Variants in MTHFD2L observed in about 807,000 individuals in gnomAD.
MTHFD2L encodes bifunctional methylenetetrahydrofolate dehydrogenase/cyclohydrolase 2, mitochondrial.
MTHFD2L carries 29 observed loss-of-function variants against 34.9 expected under a neutral mutation model. The ratio of observed to expected loss-of-function variants is 0.83; its 90% CI spans 0.62 to 1.13. The LOEUF (loss-of-function observed/expected upper bound fraction) is 1.13. Ranked by LOEUF, MTHFD2L falls within the 50% of genes most tolerant of loss-of-function variation. The pLI, the probability that MTHFD2L is intolerant of heterozygous loss-of-function variation, is 0.00. For synonymous variants in MTHFD2L, 167 were observed against 155.7 expected (o/e 1.07, Z -0.54); for missense variants, 481 against 446.5 (o/e 1.08, Z -0.70).
At chr4:74,197,987 A>T (rs1310693489) in intron 3 of MTHFD2L, among the ~76,000 whole-genome samples, 1 of 152,136 alleles carries the variant, frequency 6.6e-6, no homozygotes, top group East Asian at 1.9e-4. Flanking sequence ...CACTTTTTTC[A>T]TCTACTCATA....
intron 1 of MTHFD2L, among the ~76,000 whole-genome samples, chr4:74,144,184 G>A (rs579228): frequency 0.98 from 149,820 of 152,270 alleles, 73,758 homozygotes; most frequent in East Asian, 1. Context: ...TGGGTGCAGT[G>A]GCTCACACCT....
At chr4:74,226,284 C>T (rs906084569) in intron 6 of MTHFD2L, among the ~76,000 whole-genome samples, 1 of 152,014 alleles carries the variant, frequency 6.6e-6, no homozygotes, top group Non-Finnish European at 1.5e-5. Context: ...TTATTTTGAG[C>T]ATATGTTCTT....
chr4:74,129,859 A>G (rs559378511), intron 1 of MTHFD2L, among the ~76,000 whole-genome samples: 3 of 152,304 alleles, frequency 2.0e-5, no homozygotes, highest in Admixed American at 6.5e-5. Context: ...AAAGAAGAAA[A>G]GAAAGAAGAA....
chr4:74,290,650 G>A (rs1377837052), intron 7 of MTHFD2L, among the ~76,000 whole-genome samples: 1 of 152,080 alleles, frequency 6.6e-6, no homozygotes, highest in Non-Finnish European at 1.5e-5. Context: ...CTGTGTGTGT[G>A]TGTGTGTGTG....
chr4:74,234,776 A>G (rs1740596028), intron 6 of MTHFD2L, among the ~76,000 whole-genome samples: 1 of 150,402 alleles, frequency 6.6e-6, no homozygotes, highest in Non-Finnish European at 1.5e-5. Flanking sequence ...GTACATGTCT[A>G]TCTGTTTAGA....
At chr4:74,300,150 A>G (rs1191317621) in intron 7 of MTHFD2L, among the ~76,000 whole-genome samples, 1 of 152,038 alleles carries the variant, frequency 6.6e-6, no homozygotes, top group Non-Finnish European at 1.5e-5. Flanking sequence ...CTTTCTGTAT[A>G]GAGACGCTGT....
intron 6 of MTHFD2L, among the ~76,000 whole-genome samples, chr4:74,276,822 CA>C (rs1746713452): frequency 6.6e-6 from 1 of 151,950 alleles, no homozygotes; most frequent in Non-Finnish European, 1.5e-5. Flanking sequence ...GTCATAATTC[CA>C]ACCATTAAAT....
chr4:74,301,809 G>A lies in MTHFD2L; in HGVS notation c.1044G>A (p.Ter348=). The A allele has an allele frequency of 6.3e-7, 1 of 1,590,218 alleles. No homozygotes were observed. The highest frequency in any genetic ancestry group is 8.6e-7 in the Non-Finnish European group (1 of 1,162,750). ...TLLAAKKIIY[*] is the part of the protein sequence containing the mutation. ...TGGCAGCTAAAAAAATCATTTACTA[G>A]ATCACATGAAAGGATAAAGCAAACT... The change falls in exon 8 of 8, where the codon TAG becomes TAA. Residue 348 remains the stop codon, a stop_retained_variant. Coordinates refer to ENST00000325278, the MANE Select transcript of MTHFD2L (RefSeq NM_001144978.3).
rs1285589605 is a variant in MTHFD2L at position 74,216,301 on chromosome 4, T to C, written c.713-9001T>C. Among the ~76,000 whole-genome samples the C allele has an allele frequency of 1.3e-5, 2 of 151,830 alleles. 1 individual carries two copies. The highest frequency in any genetic ancestry group is 4.9e-5 in the African/African-American group (2 of 41,110). On this transcript the variant is annotated intron_variant, in intron 5 of 7. Coordinates refer to ENST00000325278, the MANE Select transcript of MTHFD2L (RefSeq NM_001144978.3). ...CTTTTAAACCAGCAGTTCTCAACTT[T>C]AGCTGCCCACTAGAATCATCAGGAG...
intron 1 of MTHFD2L, among the ~76,000 whole-genome samples, chr4:74,126,128 A>T (rs2109788466): frequency 6.6e-6 from 1 of 152,308 alleles, no homozygotes; most frequent in Admixed American, 6.5e-5. Context: ...AAAGCAGTGT[A>T]CTGTAAGTCC....
chr4:74,268,302 CA>C (rs1446817784), intron 6 of MTHFD2L: 1 of 934,898 alleles, frequency 1.1e-6, no homozygotes, highest in Non-Finnish European at 1.3e-6. Context: ...TACATTCACA[CA>C]AATTCCACTC....
chr4:74,283,995 T>C (rs1747825585), intron 7 of MTHFD2L, among the ~76,000 whole-genome samples: 1 of 152,100 alleles, frequency 6.6e-6, no homozygotes, highest in Non-Finnish European at 1.5e-5. Flanking sequence ...ACAGGGAAAG[T>C]GTGGTGGCTG....
chr4:74,127,436 A>G (rs770383457), intron 1 of MTHFD2L, among the ~76,000 whole-genome samples: 7 of 152,028 alleles, frequency 4.6e-5, no homozygotes, highest in Non-Finnish European at 1.0e-4. Context: ...GTAACCATCA[A>G]TCTACTCTCT....
At chr4:74,271,595 C>CAGGTAG (rs1424931959) in intron 6 of MTHFD2L, among the ~76,000 whole-genome samples, 2 of 152,126 alleles carry the variant, frequency 1.3e-5, no homozygotes, top group African/African-American at 4.8e-5. Context: ...AGTTTGAAGT[C>CAGGTAG]AGGTAGCATG....
At chr4:74,267,148 G>A (rs1464008276) in intron 6 of MTHFD2L, 6 of 984,892 alleles carry the variant, frequency 6.1e-6, no homozygotes, top group African/African-American at 1.7e-5. Context: ...CATTCCATTC[G>A]ACTTTAATAC....
At chr4:74,206,287 T>C (rs941745003) in intron 5 of MTHFD2L, among the ~76,000 whole-genome samples, 3 of 152,154 alleles carry the variant, frequency 2.0e-5, no homozygotes, top group Non-Finnish European at 2.9e-5. Context: ...GTGTGTCTTG[T>C]TCTGGTGGCT....
intron 3 of MTHFD2L, among the ~76,000 whole-genome samples, chr4:74,198,301 G>A (rs1472359472): frequency 1.3e-5 from 2 of 152,120 alleles, no homozygotes; most frequent in African/African-American, 2.4e-5. Context: ...GCAAAAAATG[G>A]TAGATGGCAA....
chr4:74,272,213 A>G (rs1428784940), intron 6 of MTHFD2L, among the ~76,000 whole-genome samples: 2 of 152,168 alleles, frequency 1.3e-5, no homozygotes, highest in Non-Finnish European at 1.5e-5. Flanking sequence ...CAGAGTATCA[A>G]ATTAACAGGT....
At chr4:74,219,764 A>G (rs749886280) in intron 5 of MTHFD2L, among the ~76,000 whole-genome samples, 16 of 152,120 alleles carry the variant, frequency 1.1e-4, no homozygotes, top group Non-Finnish European at 1.5e-4. Flanking sequence ...AACAGGCTGA[A>G]TGCCTTTCCA....
Sources: gnomAD v4.1 joint callset for allele counts (sites outside exome capture counted in the v4.1 genomes callset) on GRCh38, gnomAD v4.1.1 for gene constraint, MANE v1.5 for transcripts, NCBI Gene and HGNC (gene_info 2026-07-23, HGNC 2026-07-21) for gene names.